Variants in CPQ observed in about 807,000 individuals in gnomAD.
CPQ encodes carboxypeptidase Q, also known as Ser-Met dipeptidase.
In CPQ, 37 loss-of-function variants were observed where a neutral mutation model predicts 45.7. The ratio of observed to expected loss-of-function variants is 0.81; its 90% confidence interval spans 0.62 to 1.07. The LOEUF is 1.07. Among genes scored for constraint, CPQ ranks in the 50% least tolerant of loss-of-function variants. The pLI, the probability that CPQ is intolerant of heterozygous loss-of-function variation, is 0.00. For missense variants in CPQ, 537 were observed against 572.9 expected, an observed-to-expected ratio of 0.94 and a Z score of 0.64; for synonymous variants, 186 against 205.8, an observed-to-expected ratio of 0.90 and a Z score of 0.82.
intron 5 of CPQ, among the ~76,000 whole-genome samples, chr8:97,007,218 C>T (rs1809399660): frequency 6.6e-6 from 1 of 152,164 alleles, no homozygotes; most frequent in Admixed American, 6.5e-5. Flanking sequence ...TCCTCTATTT[C>T]ATTTGGAATT....
chr8:97,080,890 A>T (rs764448992), intron 7 of CPQ, among the ~76,000 whole-genome samples: 1 of 97,780 alleles, frequency 1.0e-5, no homozygotes, highest in Non-Finnish European at 2.5e-5. Flanking sequence ...GTGTGTCCTC[A>T]GTATTCTTAG....
chr8:96,732,617 T>A (rs567541790), intron 1 of CPQ, among the ~76,000 whole-genome samples: 3 of 152,182 alleles, frequency 2.0e-5, no homozygotes, highest in African/African-American at 7.2e-5. Context: ...AGAAAAAAAA[T>A]TCCTAAGAAG....
intron 2 of CPQ, 88 bp from the exon 3 acceptor site, chr8:96,834,885 G>A: frequency 1.8e-6 from 2 of 1,127,928 alleles, no homozygotes; most frequent in East Asian, 2.5e-5. Context: ...AGATGTAGCA[G>A]AAAGAGCATG....
chr8:96,724,011 C>A (rs1192891891), intron 1 of CPQ, among the ~76,000 whole-genome samples: 6 of 152,026 alleles, frequency 3.9e-5, no homozygotes, highest in African/African-American at 1.2e-4. Context: ...TGACAGTAAT[C>A]TGTCTTTATA....
chr8:96,821,751 T>C lies in CPQ; in HGVS notation c.434-13222T>C, dbSNP rs148272677. 3.0e-3 allele frequency among the ~76,000 whole-genome samples: 453 copies of C among 152,110 alleles called. 1 individual carries two copies. Among genetic ancestry groups the C allele is most frequent in the African/African-American group, 0.01 (426 of 41,554 alleles). On this transcript the variant is annotated intron_variant, in intron 2 of 7. Coordinates refer to ENST00000220763, the MANE Select transcript of CPQ (RefSeq NM_016134.4). ...ATTCTCTCTCCTTTCTTTTTTCATT[T>C]TTCAGCTCTTGGGTTTTACAGTTTT...
At chr8:96,742,225 A>T (rs201602036) in intron 1 of CPQ, among the ~76,000 whole-genome samples, 19 of 152,076 alleles carry the variant, frequency 1.2e-4, no homozygotes, top group Admixed American at 4.6e-4. Context: ...TTTACCATTA[A>T]GTAATGTCCT....
intron 1 of CPQ, among the ~76,000 whole-genome samples, chr8:96,756,680 T>G (rs1174694948): frequency 6.6e-6 from 1 of 152,180 alleles, no homozygotes; most frequent in Non-Finnish European, 1.5e-5. Context: ...TTTGGACCAT[T>G]CTTGGGAAAT....
chr8:96,754,497 C>T (rs891781092), intron 1 of CPQ, among the ~76,000 whole-genome samples: 1 of 151,972 alleles, frequency 6.6e-6, no homozygotes, highest in Non-Finnish European at 1.5e-5. Flanking sequence ...CTTTAACCTA[C>T]CCTGGAATGG....
chr8:96,947,498 T>G (rs1431800588), intron 4 of CPQ, among the ~76,000 whole-genome samples: 7 of 152,190 alleles, frequency 4.6e-5, no homozygotes, highest in African/African-American at 1.7e-4. Context: ...GGAAGTGTGA[T>G]GTTTCCAGCT....
In CPQ at chr8:96,854,557, A is replaced by AAAAAAAACAC. The variant is rs1554573253; in HGVS notation, c.641+19379_641+19380insAAAAACACAA. Among the ~76,000 whole-genome samples the AAAAAAAACAC allele has an allele frequency of 7.3e-4, 56 of 76,886 alleles. 5 individuals are homozygous for AAAAAAAACAC. Among genetic ancestry groups the AAAAAAAACAC allele is most frequent in the Middle Eastern group, 0.019 (2 of 108 alleles). 50.4% of individuals were successfully genotyped at this position (76,886 alleles called of 152,430 possible). A position where few individuals can be genotyped will look rare whatever the true frequency, so the allele number is the denominator to read the frequency against. On this transcript the variant is annotated intron_variant, in intron 3 of 7. Coordinates refer to ENST00000220763, the MANE Select transcript of CPQ (RefSeq NM_016134.4). Reference sequence around the variant, plus strand: ...AAAAAAAAAAAAAAAAAAAAAAAAAAAATGTGGTGGAACTAAAAGCCCAGT... The same window carrying AAAAAAAACAC: ...AAAAAAAAAAAAAAAAAAAAAAAAAAAAAAAAACACAATGTGGTGGAACTAAAAGCCCAGT...
chr8:96,694,461 T>G lies in CPQ; in HGVS notation c.-35+49059T>G, dbSNP rs537994562. 3.7e-4 allele frequency among the ~76,000 whole-genome samples: 57 copies of G among 152,330 alleles called. No homozygotes were observed. The South Asian group carries it at 0.012, about 31-fold the overall frequency. The stretch of plus-strand genomic sequence containing the variant: ...TTTACAGAACATTTTATCCAATGGC[T>G]GGATAAGACACATTCTTCTCCTCAG... On this transcript the variant is annotated intron_variant, in intron 1 of 7. Transcript: ENST00000220763.
At chr8:96,834,257 A>T (rs956851996) in intron 2 of CPQ, among the ~76,000 whole-genome samples, 2 of 152,228 alleles carry the variant, frequency 1.3e-5, no homozygotes, top group Non-Finnish European at 2.9e-5. Flanking sequence ...CATCTCTTCT[A>T]ACAAAGACAA....
rs1359946797 is a variant in CPQ, at chr8:96,880,576, T to TATATATACATAC, written c.849+572_849+573insTATATACATACA. Among the ~76,000 whole-genome samples the TATATATACATAC allele has an allele frequency of 2.2e-4, 18 of 83,188 alleles. 3 individuals are homozygous for TATATATACATAC. Among genetic ancestry groups the TATATATACATAC allele is most frequent in the Non-Finnish European group, 4.4e-4 (18 of 40,564 alleles). The allele number at this position is 83,188 out of a possible 152,430, so 54.6% of individuals were successfully genotyped here. A position where few individuals can be genotyped will look rare whatever the true frequency, so the allele number is the denominator to read the frequency against. On this transcript the variant is annotated intron_variant, in intron 4 of 7. Coordinates refer to ENST00000220763, the MANE Select transcript of CPQ (RefSeq NM_016134.4). ...ATATATATATATATATATATATATA[T>TATATATACATAC]ACCATGGAATACTACCCAGCCATAG...
chr8:96,675,421 T>C (rs1374392438), intron 1 of CPQ, among the ~76,000 whole-genome samples: 2 of 152,216 alleles, frequency 1.3e-5, no homozygotes, highest in Middle Eastern at 3.4e-3. Flanking sequence ...CATGTTCTAA[T>C]TGGTACGTTA....
intron 1 of CPQ, among the ~76,000 whole-genome samples, chr8:96,717,277 C>T (rs1156318764): frequency 6.6e-6 from 1 of 151,394 alleles, no homozygotes; most frequent in Non-Finnish European, 1.5e-5. Flanking sequence ...GGTAGATCTA[C>T]TTTTAGTTCT....
intron 5 of CPQ, among the ~76,000 whole-genome samples, chr8:96,985,825 T>G (rs1399135567): frequency 6.6e-6 from 1 of 152,232 alleles, no homozygotes; most frequent in Non-Finnish European, 1.5e-5. Context: ...ATACTTTAAT[T>G]TAAATGACCA....
chr8:96,907,624 A>G (rs1396556796), intron 4 of CPQ, among the ~76,000 whole-genome samples: 1 of 152,116 alleles, frequency 6.6e-6, no homozygotes, highest in Non-Finnish European at 1.5e-5. Flanking sequence ...CTAATTGGCC[A>G]GAGCTACTAC....
intron 5 of CPQ, among the ~76,000 whole-genome samples, chr8:96,968,672 A>T (rs1371843771): frequency 3.9e-5 from 6 of 152,198 alleles, no homozygotes; most frequent in Admixed American, 3.9e-4. Flanking sequence ...CCCTCAGTGG[A>T]GCGTGTTAAC....
intron 2 of CPQ, among the ~76,000 whole-genome samples, chr8:96,800,277 G>C (rs1463680329): frequency 6.6e-6 from 1 of 152,130 alleles, no homozygotes; most frequent in Non-Finnish European, 1.5e-5. Flanking sequence ...TTAGTAATAA[G>C]TACAATGCAA....
Sources: gnomAD v4.1 joint callset for allele counts (sites outside exome capture counted in the v4.1 genomes callset) on GRCh38, gnomAD v4.1.1 for gene constraint, MANE v1.5 for transcripts, NCBI Gene and HGNC (gene_info 2026-07-23, HGNC 2026-07-21) for gene names.